Variants in RASGRF1 observed in about 807,000 individuals in gnomAD.
RASGRF1 encodes Ras protein specific guanine nucleotide releasing factor 1.
In RASGRF1, 40 loss-of-function variants were observed where a neutral mutation model predicts 138.7. The observed-to-expected ratio is 0.29, with a 90% CI of 0.22 to 0.38. The LOEUF (loss-of-function observed/expected upper bound fraction) is 0.38, where lower values mean the gene tolerates loss of function less well. RASGRF1 is among the 10% of genes least tolerant of loss of function. The probability of loss-of-function intolerance (pLI) is 1.00; values close to 1 mark genes in which losing one functional copy is unlikely to be tolerated. For missense variants in RASGRF1, 1,108 were observed against 1,650.4 expected (o/e 0.67, Z 5.69); for synonymous variants, 614 against 663.2 (o/e 0.93, Z 1.14).
At chr15:79,003,630 C>G (rs1023294297) in intron 15 of RASGRF1, among the ~76,000 whole-genome samples, 172 bp downstream of exon 15, 1 of 152,270 alleles carries the variant, frequency 6.6e-6, no homozygotes, top group African/African-American at 2.4e-5. Context: ...GGCTACCTCT[C>G]TGCACCGCCC....
At position 78,962,126 on chromosome 15, in the gene RASGRF1, T is replaced by G. The variant is rs1380143811; in HGVS notation, c.*18A>C. 3 of 1,487,506 alleles carry G rather than the reference T, an allele frequency of 2.0e-6. No individual in the cohort carries two copies. The highest frequency in any genetic ancestry group is 1.4e-5 in the African/African-American group (1 of 71,898). 92.1% of individuals were successfully genotyped at this position (1,487,506 alleles called of 1,614,324 possible). ...GCACATGTCCCCGGGAGCAGCTGGGTCTGGGCTGGGCTCAGCTTCAGGTGG... is the reference window on the plus strand; with the variant it reads ...GCACATGTCCCCGGGAGCAGCTGGGGCTGGGCTGGGCTCAGCTTCAGGTGG... On this transcript the variant is annotated 3_prime_UTR_variant, in exon 27 of 27. Transcript: ENST00000558480.
At chr15:79,078,112 G>A (rs959726929) in intron 1 of RASGRF1, among the ~76,000 whole-genome samples, 1 of 111,872 alleles carries the variant, frequency 8.9e-6, no homozygotes, top group Non-Finnish European at 2.2e-5. Flanking sequence ...TGCAGGGAGT[G>A]GCTGTGCTAC....
Position 78,998,226 on chromosome 15 carries a change from T to C in RASGRF1, c.2854-18A>G, listed in dbSNP as rs2056438290. ...TCAAAGTCCTGCCGGGAAGGTGTGA[T>C]GGGTGGCTCTGGTTACTGTTTTTGA... On this transcript the variant is annotated intron_variant, in intron 18 of 26. Transcript: ENST00000558480. 1.3e-6 allele frequency: 2 copies of C among 1,596,228 alleles called. No homozygotes were observed. The highest frequency in any genetic ancestry group is 1.3e-5 in the African/African-American group (1 of 74,538).
chr15:79,035,307 C>G, intron 5 of RASGRF1, 97 bp from the exon 6 acceptor site: 1 of 958,810 alleles, frequency 1.0e-6, no homozygotes, highest in Non-Finnish European at 1.6e-6. Flanking sequence ...CAGCAGCGAA[C>G]CCTTTTCTCA....
chr15:79,010,802 C>T (rs1453574557), intron 13 of RASGRF1, among the ~76,000 whole-genome samples: 1 of 152,158 alleles, frequency 6.6e-6, no homozygotes, highest in Non-Finnish European at 1.5e-5. Context: ...AGGAGCCTGG[C>T]AGGTGGAAGG....
chr15:79,088,860 A>C (rs773857099), intron 1 of RASGRF1, among the ~76,000 whole-genome samples: 1 of 152,096 alleles, frequency 6.6e-6, no homozygotes, highest in East Asian at 1.9e-4. Context: ...TCCATCTGGG[A>C]GCCCCTGCTC....
chr15:79,046,681 A>G lies in RASGRF1; in HGVS notation c.878+65T>C, dbSNP rs975319785. Reference sequence around the variant, plus strand: ...GGAACCACGTGAGAGAGTGTGTCAAAGCTTAGCTGCGGCCAATGCTCACTA... The same window carrying G: ...GGAACCACGTGAGAGAGTGTGTCAAGGCTTAGCTGCGGCCAATGCTCACTA... On this transcript the variant is annotated intron_variant, in intron 5 of 26. Coordinates refer to ENST00000558480, the MANE Select transcript of RASGRF1 (RefSeq NM_001145648.3). The surrounding 1 kb of genome is among the most constrained non-coding windows in gnomAD (Gnocchi z 5.3). 4.4e-6 allele frequency: 7 copies of G among 1,591,558 alleles called. No homozygotes were observed. Among genetic ancestry groups the G allele is most frequent in the Admixed American group, 1.7e-5 (1 of 59,404 alleles).
intron 1 of RASGRF1, among the ~76,000 whole-genome samples, chr15:79,068,589 T>C (rs1434360118): frequency 6.8e-6 from 1 of 147,334 alleles, no homozygotes; most frequent in Non-Finnish European, 1.5e-5. Flanking sequence ...TATACATACA[T>C]ATATATTTAT....
rs745650536 is a variant in RASGRF1 at position 79,015,370 on chromosome 15, C to T, written c.1783G>A (p.Ala595Thr). The T allele has an allele frequency of 1.1e-5, 18 of 1,613,908 alleles. No individual in the cohort carries two copies. The East Asian group carries it at 1.8e-4, about 16-fold the overall frequency. Residue 595 changes from alanine to threonine, a missense_variant, in exon 13 of 27, where the codon GCA (alanine) becomes ACA (threonine). Coordinates refer to ENST00000558480, the MANE Select transcript of RASGRF1 (RefSeq NM_001145648.3). ...NIRCNGLMMNAFEENSKVTVP... is the reference protein window; with the variant it reads ...NIRCNGLMMNTFEENSKVTVP... Reference sequence around the variant, plus strand: ...GTGACCTTGGAATTTTCTTCAAATGCGTTCATCATGAGCCCATTGCATCGG... The same window carrying T: ...GTGACCTTGGAATTTTCTTCAAATGTGTTCATCATGAGCCCATTGCATCGG...
intron 26 of RASGRF1, among the ~76,000 whole-genome samples, chr15:78,969,690 A>G (rs774684724): frequency 6.6e-6 from 1 of 152,068 alleles, no homozygotes; most frequent in African/African-American, 2.4e-5. Flanking sequence ...AAGAAAAGAA[A>G]AGAAAATTCT....
chr15:78,984,797 G>A, intron 23 of RASGRF1: 1 of 587,492 alleles, frequency 1.7e-6, no homozygotes, highest in Admixed American at 2.8e-5. Flanking sequence ...CTCAAGTGGG[G>A]ATTACAGTCC....
intron 3 of RASGRF1, among the ~76,000 whole-genome samples, chr15:79,053,260 A>G (rs1264852398): frequency 6.6e-6 from 1 of 152,200 alleles, no homozygotes; most frequent in Non-Finnish European, 1.5e-5. Flanking sequence ...ATCGAAAAAA[A>G]AAGAAAAACC....
rs533386954 is a variant in RASGRF1 at position 79,049,258 on chromosome 15, G to A, written c.624+238C>T. 2.0e-5 allele frequency among the ~76,000 whole-genome samples: 3 copies of A among 152,186 alleles called. No individual in the cohort carries two copies. In the South Asian group the frequency reaches 6.2e-4, roughly 32 times the overall value. Reference sequence around the variant, plus strand: ...CCCACTCCTTCCTCTTGTGGAACCTGTTTTCTTATCTATAAAATGGGCTGA... The same window carrying A: ...CCCACTCCTTCCTCTTGTGGAACCTATTTTCTTATCTATAAAATGGGCTGA... On this transcript the variant is annotated intron_variant, in intron 4 of 26. Transcript: ENST00000558480.
At chr15:79,077,685 T>A (rs2057854910) in intron 1 of RASGRF1, among the ~76,000 whole-genome samples, 1 of 152,170 alleles carries the variant, frequency 6.6e-6, no homozygotes, top group Non-Finnish European at 1.5e-5. Context: ...CTTCCCGCTG[T>A]GTAACTGGCT....
At chr15:79,057,286 C>T (rs1457086346) in intron 3 of RASGRF1, among the ~76,000 whole-genome samples, 1 of 152,154 alleles carries the variant, frequency 6.6e-6, no homozygotes, top group African/African-American at 2.4e-5. Flanking sequence ...CCTTGCCCAC[C>T]CCAGTCCAGC....
intron 13 of RASGRF1, among the ~76,000 whole-genome samples, chr15:79,012,942 CA>C (rs2056823199): frequency 6.6e-6 from 1 of 152,202 alleles, no homozygotes; most frequent in African/African-American, 2.4e-5. Context: ...CTCGGCCTCC[CA>C]AAGTTCATCT....
chr15:79,045,067 A>G (rs1346856991), intron 5 of RASGRF1, among the ~76,000 whole-genome samples: 1 of 152,214 alleles, frequency 6.6e-6, no homozygotes, highest in East Asian at 1.9e-4. Flanking sequence ...CACAAACAAC[A>G]TAGAACTACA....
At chr15:79,051,065 C>T (rs1223438003) in intron 3 of RASGRF1, among the ~76,000 whole-genome samples, 2 of 152,172 alleles carry the variant, frequency 1.3e-5, no homozygotes, top group Non-Finnish European at 2.9e-5. Flanking sequence ...AGGGAAAACA[C>T]TGCAGTAATG....
At chr15:79,087,573 C>T (rs946886478) in intron 1 of RASGRF1, among the ~76,000 whole-genome samples, 9 of 152,338 alleles carry the variant, frequency 5.9e-5, no homozygotes, top group Middle Eastern at 3.4e-3. Flanking sequence ...TGTACATGCC[C>T]AGCAGATTGA....
Sources: allele counts gnomAD v4.1 joint callset (sites outside exome capture counted in the v4.1 genomes callset), GRCh38; gene constraint gnomAD v4.1.1; non-coding constraint Gnocchi (gnomAD v3.1); transcripts MANE v1.5; gene names NCBI Gene and HGNC (gene_info 2026-07-23, HGNC 2026-07-21).